IMMP2L: variants seen among roughly 807,000 people sequenced by gnomAD.
The protein encoded by IMMP2L is mitochondrial inner membrane protease subunit 2.
A neutral mutation model predicts 19.3 loss-of-function variants in IMMP2L; 18 were observed. The observed-to-expected ratio is 0.93, with a 90% confidence interval of 0.64 to 1.38. The LOEUF (loss-of-function observed/expected upper bound fraction) is 1.38, where lower values mean the gene tolerates loss of function less well. Ranked by LOEUF, IMMP2L falls within the 40% of genes most tolerant of loss-of-function variation. The pLI, the probability that IMMP2L is intolerant of heterozygous loss-of-function variation, is 0.00. For missense variants in IMMP2L, 233 were observed against 218.2 expected, an observed-to-expected ratio of 1.07 and a Z score of -0.43; for synonymous variants, 76 against 73.0, an observed-to-expected ratio of 1.04 and a Z score of -0.21.
At chr7:111,552,383 G>A (rs1790769454) in intron 1 of IMMP2L, among the ~76,000 whole-genome samples, 1 of 152,142 alleles carries the variant, frequency 6.6e-6, no homozygotes. Flanking sequence ...CACCTCCAGG[G>A]TTCAAGAGAT....
chr7:110,949,570 C>A (rs1266742716), intron 4 of IMMP2L, among the ~76,000 whole-genome samples: 1 of 152,126 alleles, frequency 6.6e-6, no homozygotes, highest in East Asian at 1.9e-4. Context: ...TGTTTTTGTA[C>A]ATAAACTTTT....
At chr7:111,183,055 T>A in intron 3 of IMMP2L, among the ~76,000 whole-genome samples, 1 of 152,222 alleles carries the variant, frequency 6.6e-6, no homozygotes, top group Middle Eastern at 3.4e-3. Flanking sequence ...TAAGACATAT[T>A]AACTATTTAC....
chr7:110,837,887 T>C (rs974483806), intron 5 of IMMP2L, among the ~76,000 whole-genome samples: 10 of 152,172 alleles, frequency 6.6e-5, no homozygotes, highest in African/African-American at 2.4e-4. Flanking sequence ...ATTGAGCCTT[T>C]AATTTCTACC....
chr7:110,981,876 C>T (rs1821342731), intron 3 of IMMP2L, among the ~76,000 whole-genome samples: 1 of 151,960 alleles, frequency 6.6e-6, no homozygotes, highest in Non-Finnish European at 1.5e-5. Flanking sequence ...TTTCTCATTT[C>T]GAAGAGTCAA....
chr7:111,309,757 T>C (rs1271207300), intron 3 of IMMP2L, among the ~76,000 whole-genome samples: 2 of 152,176 alleles, frequency 1.3e-5, no homozygotes, highest in Non-Finnish European at 2.9e-5. Context: ...AGAAATAATA[T>C]ATATTTTGAA....
chr7:110,904,518 T>C (rs1163608639), intron 4 of IMMP2L, among the ~76,000 whole-genome samples: 1 of 152,178 alleles, frequency 6.6e-6, no homozygotes, highest in Admixed American at 6.6e-5. Context: ...CCTTTCCCCA[T>C]TGTGTATTCT....
At chr7:111,193,261 G>A (rs912719440) in intron 3 of IMMP2L, among the ~76,000 whole-genome samples, 4 of 152,156 alleles carry the variant, frequency 2.6e-5, no homozygotes, top group African/African-American at 9.7e-5. Flanking sequence ...AGCTCTTGCA[G>A]GAAGCAGGGA....
intron 5 of IMMP2L, among the ~76,000 whole-genome samples, chr7:110,849,385 G>A (rs148474296): frequency 1.3e-3 from 199 of 151,990 alleles, no homozygotes; most frequent in African/African-American, 4.5e-3. Flanking sequence ...ACATGTCTAC[G>A]AAATCAAAAG....
chr7:110,772,663 C>G (rs541512356), intron 5 of IMMP2L, among the ~76,000 whole-genome samples: 2 of 152,068 alleles, frequency 1.3e-5, no homozygotes, highest in Admixed American at 6.6e-5. Context: ...TGGCTTTAGA[C>G]AAGGCTTAAC....
chr7:111,538,334 A>C (rs1848084505), intron 1 of IMMP2L, among the ~76,000 whole-genome samples: 1 of 152,072 alleles, frequency 6.6e-6, no homozygotes, highest in African/African-American at 2.4e-5. Context: ...GCACAACCAC[A>C]TGCCATAAAT....
chr7:111,440,742 CT>C, intron 3 of IMMP2L, among the ~76,000 whole-genome samples: 1 of 151,902 alleles, frequency 6.6e-6, no homozygotes, highest in Non-Finnish European at 1.5e-5. Flanking sequence ...AAGCCATGCA[CT>C]GACCTCTCCT....
intron 3 of IMMP2L, among the ~76,000 whole-genome samples, chr7:111,003,106 T>C (rs1324676241): frequency 6.6e-6 from 1 of 152,190 alleles, no homozygotes; most frequent in Non-Finnish European, 1.5e-5. Context: ...GTTATTATTG[T>C]TACTGTTCTT....
At chr7:111,067,230 G>A (rs1794589023) in intron 3 of IMMP2L, among the ~76,000 whole-genome samples, 1 of 152,154 alleles carries the variant, frequency 6.6e-6, no homozygotes, top group Non-Finnish European at 1.5e-5. Flanking sequence ...ATATAGTTAT[G>A]GGAACCTCTA....
chr7:110,881,129 G>A (rs1809595513), intron 5 of IMMP2L, among the ~76,000 whole-genome samples: 1 of 151,858 alleles, frequency 6.6e-6, no homozygotes, highest in African/African-American at 2.4e-5. Context: ...TAATCTTGAG[G>A]GACTTTCTGT....
chr7:110,713,124 T>C (rs73208736), intron 5 of IMMP2L, among the ~76,000 whole-genome samples: 2,659 of 152,104 alleles, frequency 0.017, 36 homozygotes, highest in Middle Eastern at 0.066. Context: ...TTCTTTTGCA[T>C]ATGTCTAGCC....
At chr7:111,048,266 GAAA>G (rs1395699136) in intron 3 of IMMP2L, among the ~76,000 whole-genome samples, 1 of 110,770 alleles carries the variant, frequency 9.0e-6, no homozygotes, top group Admixed American at 8.8e-5. Context: ...AAAAAAAAAA[GAAA>G]AAAAGAAAAA....
chr7:110,970,687 C>T (rs1157454825), intron 3 of IMMP2L, among the ~76,000 whole-genome samples: 2 of 152,078 alleles, frequency 1.3e-5, no homozygotes, highest in Admixed American at 1.3e-4. Context: ...GAAGCACCAC[C>T]GCTCTGTTCC....
chr7:110,950,872 G>GTATATATATGCTTATATA (rs1817758856), intron 4 of IMMP2L, among the ~76,000 whole-genome samples: 1 of 82,884 alleles, frequency 1.2e-5, no homozygotes, highest in Admixed American at 1.2e-4. Context: ...ATATATATAT[G>GTATATATATGCTTATATA]TATATATATG....
chr7:110,907,936 C>T (rs1812645694), intron 4 of IMMP2L, among the ~76,000 whole-genome samples: 1 of 152,088 alleles, frequency 6.6e-6, no homozygotes, highest in Non-Finnish European at 1.5e-5. Flanking sequence ...AAGTAGGAGC[C>T]AAGCCTTACT....
Sources: allele counts gnomAD v4.1 joint callset (sites outside exome capture counted in the v4.1 genomes callset), GRCh38; gene constraint gnomAD v4.1.1; transcripts MANE v1.5; gene names NCBI Gene and HGNC (gene_info 2026-07-23, HGNC 2026-07-21).